Variants in PHTF2 observed in about 807,000 individuals in gnomAD.
PHTF2 encodes protein PHTF2.
Under a neutral mutation model 101.2 loss-of-function variants are expected in PHTF2, and 60 were observed. The ratio of observed to expected loss-of-function variants is 0.59; its 90% CI spans 0.48 to 0.73. The LOEUF is 0.73. Ranked by LOEUF, PHTF2 falls within the 30% of genes least tolerant of loss-of-function variation. PHTF2 has a pLI of 0.00. For synonymous variants in PHTF2, 311 were observed against 307.3 expected (o/e 1.01, Z -0.13); for missense variants, 747 against 908.7 (o/e 0.82, Z 2.29).
At chr7:77,824,947 GA>G (rs1424772025) in intron 1 of PHTF2, among the ~76,000 whole-genome samples, 1 of 151,938 alleles carries the variant, frequency 6.6e-6, no homozygotes, top group Non-Finnish European at 1.5e-5. Context: ...AGAAAGGGAG[GA>G]ACACTTGAGA....
intron 9 of PHTF2, among the ~76,000 whole-genome samples, chr7:77,916,837 G>A (rs911828982): frequency 3.3e-5 from 5 of 151,986 alleles, no homozygotes; most frequent in Admixed American, 6.6e-5. Flanking sequence ...AGAAAAATAC[G>A]TCTGTACATG....
rs1219473086 is a variant in PHTF2 at position 77,953,902 on chromosome 7, G to T, written c.2337+8G>T. 1 of 1,612,462 alleles carries T rather than the reference G, an allele frequency of 6.2e-7. No homozygotes were observed. The highest frequency in any genetic ancestry group is 2.2e-5 in the East Asian group (1 of 44,830). On this transcript the variant is annotated splice_region_variant and intron_variant, in intron 19 of 19. Transcript: ENST00000416283. Reference sequence around the variant, plus strand: ...CTTGGATTTAATTTAAAGGTAAGAGGTTGCAAGTACTTTTTATTTCTTAGT... The same window carrying T: ...CTTGGATTTAATTTAAAGGTAAGAGTTTGCAAGTACTTTTTATTTCTTAGT...
intron 11 of PHTF2, among the ~76,000 whole-genome samples, chr7:77,925,926 C>T (rs890203699): frequency 1.3e-5 from 2 of 151,842 alleles, no homozygotes; most frequent in Admixed American, 6.6e-5. Flanking sequence ...TGTTGTGGCA[C>T]GTGCCTGTAG....
intron 11 of PHTF2, among the ~76,000 whole-genome samples, chr7:77,927,177 A>AAAAAAAAAAAATATATATATAT (rs1554388762): frequency 1.3e-5 from 1 of 78,160 alleles, no homozygotes; most frequent in African/African-American, 4.8e-5. Context: ...AAAAAAAAAA[A>AAAAAAAAAAAATATATATATAT]ATATATATAT....
At position 77,839,641 on chromosome 7, in the gene PHTF2, T is replaced by A. The variant is rs970315738; in HGVS notation, c.-35-580T>A. On this transcript the variant is annotated intron_variant, in intron 1 of 19. Transcript: ENST00000416283. Reference sequence around the variant, plus strand: ...TTGTCATAACTACTTAAATGACAGTTAGCAAACTGTGATATCTGGGAAGTC... The same window carrying A: ...TTGTCATAACTACTTAAATGACAGTAAGCAAACTGTGATATCTGGGAAGTC... Among the ~76,000 whole-genome samples the A allele has an allele frequency of 2.6e-5, 4 of 152,332 alleles. No homozygotes were observed. In the South Asian group the frequency reaches 6.2e-4, roughly 24 times the overall value.
At chr7:77,841,141 G>A (rs1025301683) in intron 2 of PHTF2, among the ~76,000 whole-genome samples, 2 of 136,488 alleles carry the variant, frequency 1.5e-5, no homozygotes, top group African/African-American at 5.9e-5. Flanking sequence ...GTGTAGTGGC[G>A]CGATCTCGGC....
intron 5 of PHTF2, among the ~76,000 whole-genome samples, chr7:77,898,952 C>T (rs1459510034): frequency 6.6e-6 from 1 of 152,068 alleles, no homozygotes; most frequent in Non-Finnish European, 1.5e-5. Context: ...AGGCGAGTGC[C>T]ACCATGCCCA....
chr7:77,857,507 A>G (rs1797284187), intron 3 of PHTF2, among the ~76,000 whole-genome samples: 1 of 152,238 alleles, frequency 6.6e-6, no homozygotes, highest in South Asian at 2.1e-4. Context: ...GTATGTATAT[A>G]CAAACACGTA....
At chr7:77,864,780 C>CT (rs1045535444) in intron 3 of PHTF2, among the ~76,000 whole-genome samples, 157 of 146,452 alleles carry the variant, frequency 1.1e-3, no homozygotes, top group South Asian at 2.8e-3. Flanking sequence ...TGGTATAGCG[C>CT]TTTTTTTTTT....
chr7:77,864,449 A>T (rs1374551082), intron 3 of PHTF2, among the ~76,000 whole-genome samples: 1 of 152,210 alleles, frequency 6.6e-6, no homozygotes, highest in Non-Finnish European at 1.5e-5. Flanking sequence ...TGCAAGGCCT[A>T]TAACGATTTT....
In PHTF2 at chr7:77,920,315, T is replaced by C; in HGVS notation, c.813T>C (p.Thr271=). 3 of 1,600,002 alleles carry C rather than the reference T, an allele frequency of 1.9e-6. No individual in the cohort carries two copies. In the South Asian group the frequency reaches 3.4e-5, roughly 18 times the overall value. The change falls in exon 10 of 20, where the codon ACT becomes ACC. Residue 271 remains threonine, a synonymous_variant. Transcript: ENST00000416283. ...CAAAGAATTCAATTGATAAATCAAC[T>C]GAAACTGACAATGGCTATGTATCCC...
chr7:77,845,926 C>T (rs945486979), intron 2 of PHTF2, among the ~76,000 whole-genome samples: 3 of 152,150 alleles, frequency 2.0e-5, no homozygotes, highest in Admixed American at 6.5e-5. Context: ...TTACTTAATC[C>T]CAAGACCAGA....
At chr7:77,898,087 T>C (rs1476710309) in intron 5 of PHTF2, among the ~76,000 whole-genome samples, 1 of 151,692 alleles carries the variant, frequency 6.6e-6, no homozygotes, top group Non-Finnish European at 1.5e-5. Context: ...CTCTACAATA[T>C]AGCTCAAAAT....
intron 9 of PHTF2, among the ~76,000 whole-genome samples, chr7:77,916,578 C>A (rs1230968194): frequency 6.6e-6 from 1 of 152,040 alleles, no homozygotes; most frequent in African/African-American, 2.4e-5. Flanking sequence ...CAAAACAAAA[C>A]CACAGTTGTT....
At chr7:77,866,037 A>G (rs1426209520) in intron 3 of PHTF2, among the ~76,000 whole-genome samples, 1 of 152,048 alleles carries the variant, frequency 6.6e-6, no homozygotes, top group Non-Finnish European at 1.5e-5. Flanking sequence ...TACAAAAATT[A>G]GTCAGGCATG....
chr7:77,833,689 G>A (rs1442336190), intron 1 of PHTF2, among the ~76,000 whole-genome samples: 2 of 152,132 alleles, frequency 1.3e-5, no homozygotes, highest in African/African-American at 2.4e-5. Context: ...GATATGTTAT[G>A]TGCCCTTTTG....
intron 2 of PHTF2, among the ~76,000 whole-genome samples, chr7:77,851,899 A>T (rs980954983): frequency 3.3e-5 from 5 of 152,144 alleles, no homozygotes; most frequent in African/African-American, 1.2e-4. Context: ...CATAAGTTTT[A>T]GTATGTTGTA....
chr7:77,841,104 A>G (rs1369203405), intron 2 of PHTF2, among the ~76,000 whole-genome samples: 17 of 44,840 alleles, frequency 3.8e-4, no homozygotes, highest in African/African-American at 2.5e-3. Flanking sequence ...TTGAGATGGA[A>G]TCTCTCTCTC....
chr7:77,926,264 C>CACA, intron 11 of PHTF2, among the ~76,000 whole-genome samples: 2 of 152,242 alleles, frequency 1.3e-5, no homozygotes, highest in East Asian at 3.9e-4. Flanking sequence ...TTATTAAAAG[C>CACA]TTAATGTGTT....
Sources: allele counts gnomAD v4.1 joint callset (sites outside exome capture counted in the v4.1 genomes callset), GRCh38; gene constraint gnomAD v4.1.1; transcripts MANE v1.5; gene names NCBI Gene and HGNC (gene_info 2026-07-23, HGNC 2026-07-21).